Variants in GALNT13 observed in about 807,000 individuals in gnomAD.
GALNT13 encodes UDP-GalNAc:polypeptide N-acetylgalactosaminyltransferase 13.
In GALNT13, 28 loss-of-function variants were observed where a neutral mutation model predicts 64.2. The observed-to-expected ratio is 0.44, with a 90% CI of 0.32 to 0.60. The LOEUF is 0.60. GALNT13 is among the 20% of genes least tolerant of loss of function. GALNT13 has a pLI of 0.05. For missense variants in GALNT13, 577 were observed against 669.8 expected, an observed-to-expected ratio of 0.86 and a Z score of 1.53; for synonymous variants, 214 against 224.6, an observed-to-expected ratio of 0.95 and a Z score of 0.42.
chr2:153,480,723 G>T, the GALNT13 span, among the ~76,000 whole-genome samples: 1 of 152,116 alleles, frequency 6.6e-6, no homozygotes, highest in African/African-American at 2.4e-5. Flanking sequence ...GAATGGTAGA[G>T]AAAAGTAATA....
intron 9 of GALNT13, among the ~76,000 whole-genome samples, chr2:154,339,031 G>T (rs1407072634): frequency 6.6e-6 from 1 of 152,074 alleles, no homozygotes; most frequent in Non-Finnish European, 1.5e-5. Context: ...TTAGACCAAA[G>T]ACAATACGGT....
intron 3 of GALNT13, among the ~76,000 whole-genome samples, chr2:153,947,381 C>T (rs1458758239): frequency 6.6e-6 from 1 of 150,736 alleles, no homozygotes; most frequent in East Asian, 1.9e-4. Context: ...TTTTGCTCAA[C>T]AACTGACTGC....
chr2:153,557,834 T>G, the GALNT13 span, among the ~76,000 whole-genome samples: 1 of 152,184 alleles, frequency 6.6e-6, no homozygotes, highest in Non-Finnish European at 1.5e-5. Context: ...ACTTATAACC[T>G]ATCTGACCTC....
At chr2:153,257,494 A>T in the GALNT13 span, among the ~76,000 whole-genome samples, 1 of 152,022 alleles carries the variant, frequency 6.6e-6, no homozygotes, top group Non-Finnish European at 1.5e-5. Context: ...GTACTCTTAA[A>T]TGCAGGTTTC....
At chr2:153,577,529 A>T in the GALNT13 span, among the ~76,000 whole-genome samples, 1 of 152,124 alleles carries the variant, frequency 6.6e-6, no homozygotes, top group Non-Finnish European at 1.5e-5. Context: ...GGCCCTTGAG[A>T]GCATAAAATT....
At chr2:153,158,628 T>C in the GALNT13 span, among the ~76,000 whole-genome samples, 2 of 152,150 alleles carry the variant, frequency 1.3e-5, no homozygotes, top group Non-Finnish European at 2.9e-5. Context: ...TGGACTACTT[T>C]TCTTCTTTCA....
chr2:153,256,537 G>T, the GALNT13 span, among the ~76,000 whole-genome samples: 9 of 152,198 alleles, frequency 5.9e-5, no homozygotes, highest in Admixed American at 5.9e-4. Context: ...GAGGAGGAGA[G>T]GCGCTCTGCT....
In GALNT13 at chr2:154,090,800, G is replaced by A. The variant is rs143098329; in HGVS notation, c.143-49537G>A. Among the ~76,000 whole-genome samples, 777 of 151,838 alleles carry A rather than the reference G, an allele frequency of 5.1e-3. 9 individuals carry two copies. The highest frequency in any genetic ancestry group is 0.018 in the African/African-American group (744 of 41,434). On this transcript the variant is annotated intron_variant, in intron 3 of 12. Coordinates refer to ENST00000392825, the MANE Select transcript of GALNT13 (RefSeq NM_052917.4). ...GTATGTCACAAATATTTATATATTT[G>A]TGTGATTTAAGATATTAAAAATCTA...
At chr2:153,875,132 G>A (rs939293329) in intron 1 of GALNT13, among the ~76,000 whole-genome samples, 39 of 148,004 alleles carry the variant, frequency 2.6e-4, no homozygotes, top group Non-Finnish European at 4.8e-4. Context: ...ATATATATGA[G>A]ATGTGCGATA....
the GALNT13 span, among the ~76,000 whole-genome samples, chr2:153,798,586 G>T: frequency 2.6e-5 from 4 of 152,038 alleles, no homozygotes; most frequent in African/African-American, 9.7e-5. Flanking sequence ...AAATGTCCTG[G>T]TTTAAGATAC....
At chr2:153,431,838 A>G in the GALNT13 span, among the ~76,000 whole-genome samples, 10 of 152,328 alleles carry the variant, frequency 6.6e-5, no homozygotes, top group Non-Finnish European at 1.2e-4. Flanking sequence ...TGCTTTCTCA[A>G]CAATCAGTGA....
chr2:153,359,511 T>C, the GALNT13 span, among the ~76,000 whole-genome samples: 1,799 of 151,098 alleles, frequency 0.012, 14 homozygotes, highest in Non-Finnish European at 0.019. Context: ...TTAAAATCCA[T>C]TGGATGCAGC....
Position 154,232,381 on chromosome 2 carries a change from G to A in GALNT13, c.312-9649G>A, listed in dbSNP as rs545882728. Among the ~76,000 whole-genome samples the A allele has an allele frequency of 3.3e-5, 5 of 152,084 alleles. No homozygotes were observed. In the South Asian group the frequency reaches 1.0e-3, roughly 32 times the overall value. Reference sequence around the variant, plus strand: ...TTGTTCCCATTTATTCCCAGTGAAGGTTACTTCACTGTTTTTAAGGCACCA... The same window carrying A: ...TTGTTCCCATTTATTCCCAGTGAAGATTACTTCACTGTTTTTAAGGCACCA... On this transcript the variant is annotated intron_variant, in intron 4 of 12. Transcript: ENST00000392825.
intron 11 of GALNT13, chr2:154,437,623 G>T: frequency 1.2e-6 from 1 of 811,548 alleles, no homozygotes; most frequent in Non-Finnish European, 1.8e-6. Context: ...TTGGGAGGCC[G>T]AGGCAGGTGG....
At chr2:154,406,940 A>G (rs1699572970) in intron 10 of GALNT13, among the ~76,000 whole-genome samples, 1 of 152,202 alleles carries the variant, frequency 6.6e-6, no homozygotes, top group Admixed American at 6.6e-5. Context: ...TGTAGAAAAT[A>G]GATCAATAAT....
the GALNT13 span, chr2:153,201,794 G>C: frequency 6.6e-6 from 1 of 152,110 alleles, no homozygotes; most frequent in Non-Finnish European, 1.5e-5. Flanking sequence ...GTCCTGGTAA[G>C]GCTCCTGTGA....
chr2:153,813,292 A>T, the GALNT13 span, among the ~76,000 whole-genome samples: 1 of 152,208 alleles, frequency 6.6e-6, no homozygotes, highest in Non-Finnish European at 1.5e-5. Context: ...ATGAATTTGC[A>T]TACTGATAAA....
At chr2:154,171,971 T>TC (rs377598816) in intron 4 of GALNT13, among the ~76,000 whole-genome samples, 1 of 144,218 alleles carries the variant, frequency 6.9e-6, no homozygotes, top group African/African-American at 2.5e-5. Context: ...TTCTTTCTCA[T>TC]ACACACACAC....
chr2:154,124,612 C>G (rs1373271683), intron 3 of GALNT13, among the ~76,000 whole-genome samples: 1 of 151,930 alleles, frequency 6.6e-6, no homozygotes, highest in African/African-American at 2.4e-5. Context: ...AATATATACA[C>G]TATTCTTGTA....
Sources: gnomAD v4.1 joint callset for allele counts (sites outside exome capture counted in the v4.1 genomes callset) on GRCh38, gnomAD v4.1.1 for gene constraint, MANE v1.5 for transcripts, NCBI Gene and HGNC (gene_info 2026-07-23, HGNC 2026-07-21) for gene names.